Variants in CPD observed in about 807,000 individuals in gnomAD.
The protein encoded by CPD is carboxypeptidase D, also known as metallocarboxypeptidase D.
CPD carries 69 observed loss-of-function variants against 138.3 expected under a neutral mutation model. That is an observed-to-expected ratio of 0.50 (90% CI 0.41 to 0.61). CPD has a LOEUF of 0.61. CPD is among the 20% of genes least tolerant of loss of function. The pLI, the probability that CPD is intolerant of heterozygous loss-of-function variation, is 0.00. For synonymous variants in CPD, 651 were observed against 642.1 expected, an observed-to-expected ratio of 1.01 and a Z score of -0.21; for missense variants, 1,432 against 1,733.3, an observed-to-expected ratio of 0.83 and a Z score of 3.09.
intron 2 of CPD, among the ~76,000 whole-genome samples, chr17:30,397,003 G>A (rs143041991): frequency 2.6e-5 from 4 of 152,132 alleles, no homozygotes; most frequent in African/African-American, 9.6e-5. Flanking sequence ...CTACCCACCT[G>A]AATCACATTA....
chr17:30,422,864 G>T lies in CPD; in HGVS notation c.1498G>T (p.Asp500Tyr). ...CTCCTACCAGCCAATTCAGCCAAAGGACTTTCACCACCACCATTTCCCTGA... is the reference window on the plus strand; with the variant it reads ...CTCCTACCAGCCAATTCAGCCAAAGTACTTTCACCACCACCATTTCCCTGA... ...SSSYQPIQPK[D>Y]FHHHHFPDME... is the part of the protein sequence containing the mutation. Residue 500 changes from aspartate (D) to tyrosine (Y), a missense_variant, in exon 5 of 21, where the codon GAC becomes TAC. Asp to Tyr is a radical substitution (Grantham distance 160). This residue lies in a region of CPD where 160 missense variants were observed against 197.9 expected (regional missense o/e 0.81). Coordinates refer to ENST00000225719, the MANE Select transcript of CPD (RefSeq NM_001304.5). 1 of 1,614,010 alleles carries T rather than the reference G, an allele frequency of 6.2e-7. No homozygotes were observed. The highest frequency in any genetic ancestry group is 1.1e-5 in the South Asian group (1 of 91,074).
intron 17 of CPD, among the ~76,000 whole-genome samples, chr17:30,459,621 T>C (rs1913413870): frequency 6.6e-6 from 1 of 152,230 alleles, no homozygotes; most frequent in Non-Finnish European, 1.5e-5. Flanking sequence ...AAAGATTGTT[T>C]TGGCTATTCA....
At chr17:30,428,233 A>G (rs1045301321) in intron 7 of CPD, among the ~76,000 whole-genome samples, 15 of 152,192 alleles carry the variant, frequency 9.9e-5, no homozygotes, top group Non-Finnish European at 2.2e-4. Flanking sequence ...GAGTGTCAAG[A>G]TTAAAAATCG....
Position 30,379,386 on chromosome 17 carries a change from G to T in CPD, c.406G>T (p.Gly136Cys). The change falls in exon 1 of 21, where the codon GGC (glycine) becomes TGC (cysteine). Residue 136 changes from glycine to cysteine, a missense_variant. Gly to Cys is a radical substitution (Grantham distance 159). Coordinates refer to ENST00000225719, the MANE Select transcript of CPD (RefSeq NM_001304.5). The surrounding 1 kb of genome is among the most constrained non-coding windows in gnomAD (Gnocchi z 7.0). ...CGGCCGGCCCCAGGTGAAGCTGGTG[G>T]GCAACATGCATGGCGACGAGACCGT... ...LPGRPQVKLV[G>C]NMHGDETVSR... The T allele has an allele frequency of 6.5e-7, 1 of 1,530,892 alleles. No homozygotes were observed. The highest frequency in any genetic ancestry group is 2.6e-5 in the East Asian group (1 of 37,790). 94.8% of individuals were successfully genotyped at this position (1,530,892 alleles called of 1,614,324 possible).
At chr17:30,395,204 TTTTTTTTTTTTTTACCTCTA>T (rs1911469073) in intron 2 of CPD, among the ~76,000 whole-genome samples, 1 of 151,428 alleles carries the variant, frequency 6.6e-6, no homozygotes, top group East Asian at 1.9e-4. Flanking sequence ...TGCTTTTTTT[TTTTTTTTTTTTTTACCTCTA>T]AAGTGAATGC....
intron 8 of CPD, among the ~76,000 whole-genome samples, chr17:30,436,220 G>T (rs190823376): frequency 6.6e-6 from 1 of 152,092 alleles, no homozygotes. Flanking sequence ...GGCTGAGGCC[G>T]AAGGATTGCT....
intron 2 of CPD, among the ~76,000 whole-genome samples, chr17:30,406,188 G>A (rs1911797048): frequency 6.6e-6 from 1 of 151,480 alleles, no homozygotes; most frequent in Admixed American, 6.6e-5. Flanking sequence ...GAAAAATTTG[G>A]GGACTGTATG....
chr17:30,413,807 T>C (rs983075270), intron 2 of CPD, among the ~76,000 whole-genome samples: 1 of 152,146 alleles, frequency 6.6e-6, no homozygotes, highest in Non-Finnish European at 1.5e-5. Context: ...TGGGATGGGC[T>C]TGGGGATAGT....
rs928176909 is a variant in CPD at position 30,379,351 on chromosome 17, C to T, written c.371C>T (p.Pro124Leu). 11 of 1,495,968 alleles carry T rather than the reference C, an allele frequency of 7.4e-6. No individual in the cohort carries two copies. The highest frequency in any genetic ancestry group is 1.3e-5 in the South Asian group (1 of 79,908). 92.7% of individuals were successfully genotyped at this position (1,495,968 alleles called of 1,614,324 possible). Residue 124 changes from proline (P) to leucine (L), a missense_variant, in exon 1 of 21, where the codon CCG becomes CTG. This residue lies in a region of CPD where 484 missense variants were observed against 477.2 expected (regional missense o/e 1.01). Transcript: ENST00000225719. This position sits in a 1 kb window ranked among gnomAD's most constrained non-coding sequence, Gnocchi z 7.0. ...GCTGCCGGGCCCGACGCTGCGGGGC[C>T]GCTGCTGCCCGGCCGGCCCCAGGTG... is the stretch of plus-strand genomic sequence containing the variant. ...PDAAGPDAAG[P>L]LLPGRPQVKL... is the part of the protein sequence containing the mutation.
At chr17:30,408,638 G>T (rs992070917) in intron 2 of CPD, among the ~76,000 whole-genome samples, 1 of 152,124 alleles carries the variant, frequency 6.6e-6, no homozygotes, top group Non-Finnish European at 1.5e-5. Flanking sequence ...GAATGCTTGT[G>T]ATTTTTGCAC....
intron 2 of CPD, among the ~76,000 whole-genome samples, chr17:30,389,675 T>A (rs1010404656): frequency 6.6e-6 from 1 of 152,256 alleles, no homozygotes; most frequent in African/African-American, 2.4e-5. Context: ...AACGTAGGTG[T>A]ACTTTGGTAT....
At chr17:30,461,101 C>T (rs1913459021) in intron 17 of CPD, 79 bp from the exon 18 acceptor site, 2 of 1,128,512 alleles carry the variant, frequency 1.8e-6, no homozygotes, top group South Asian at 2.0e-5. Flanking sequence ...TCATTTACTC[C>T]ATTTGTTGTA....
intron 2 of CPD, among the ~76,000 whole-genome samples, chr17:30,404,546 T>G (rs2143363614): frequency 6.6e-6 from 1 of 152,270 alleles, no homozygotes; most frequent in South Asian, 2.1e-4. Flanking sequence ...TCCAGTTTTA[T>G]GCTCTTTCAA....
At chr17:30,390,291 A>G (rs534760125) in intron 2 of CPD, among the ~76,000 whole-genome samples, 2 of 152,308 alleles carry the variant, frequency 1.3e-5, no homozygotes, top group South Asian at 2.1e-4. Flanking sequence ...TGCTGGGATT[A>G]TAAACGGGAG....
rs16965767 is a variant in CPD at position 30,432,296 on chromosome 17, C to T, written c.2127+415C>T. ...ATATATTGTGTGTGGCTGCTTTCTC[C>T]TTCAACATTTCAAAGTAAGTCAGTA... On this transcript the variant is annotated intron_variant, in intron 8 of 20. Coordinates refer to ENST00000225719, the MANE Select transcript of CPD (RefSeq NM_001304.5). Among the ~76,000 whole-genome samples, 375 of 152,292 alleles carry T rather than the reference C, an allele frequency of 2.5e-3. 1 individual carries two copies. The highest frequency in any genetic ancestry group is 8.6e-3 in the African/African-American group (356 of 41,558).
At chr17:30,446,487 C>T (rs1323441689) in intron 12 of CPD, among the ~76,000 whole-genome samples, 4 of 152,108 alleles carry the variant, frequency 2.6e-5, no homozygotes, top group Admixed American at 6.6e-5. Context: ...CATCCATGTC[C>T]CTACAAAGGA....
At chr17:30,414,169 C>T (rs1313297057) in intron 2 of CPD, among the ~76,000 whole-genome samples, 1 of 152,206 alleles carries the variant, frequency 6.6e-6, no homozygotes, top group African/African-American at 2.4e-5. Context: ...AGTCTCTGAA[C>T]TGTTTTGAAC....
rs549560958 is a variant in CPD, at chr17:30,397,209, T to C, written c.994+11973T>C. ...AAATTTGTAAAAAAAACTATGCCTT[T>C]TTGATAAATTGTGTGCTAGTGACTA... On this transcript the variant is annotated intron_variant, in intron 2 of 20. Transcript: ENST00000225719. Among the ~76,000 whole-genome samples the C allele has an allele frequency of 2.5e-3, 377 of 152,336 alleles. 1 individual carries two copies. Among genetic ancestry groups the C allele is most frequent in the African/African-American group, 8.7e-3 (360 of 41,580 alleles).
chr17:30,385,377 C>T (rs1911156610), intron 2 of CPD, 141 bp downstream of exon 2: 1 of 1,047,040 alleles, frequency 9.6e-7, no homozygotes. Flanking sequence ...TTCAAATCTA[C>T]AGCAAAATTG....
Sources: gnomAD v4.1 joint callset for allele counts (sites outside exome capture counted in the v4.1 genomes callset) on GRCh38, gnomAD v4.1.1 for gene constraint, gnomAD v4.1.1 regional missense constraint, Gnocchi (gnomAD v3.1) non-coding constraint, MANE v1.5 for transcripts, NCBI Gene and HGNC (gene_info 2026-07-23, HGNC 2026-07-21) for gene names.